Variants in SOS1 observed in about 807,000 individuals in gnomAD.
The protein encoded by SOS1 is son of sevenless homolog 1.
SOS1 carries 25 observed loss-of-function variants against 157.6 expected under a neutral mutation model. The observed-to-expected ratio is 0.16, with a 90% CI of 0.12 to 0.22. The LOEUF is 0.22. SOS1 is among the 10% of genes least tolerant of loss of function. The pLI, the probability that SOS1 is intolerant of heterozygous loss-of-function variation, is 1.00. For missense variants in SOS1, 1,237 were observed against 1,599.1 expected, an observed-to-expected ratio of 0.77 and a Z score of 3.86; for synonymous variants, 528 against 534.0, an observed-to-expected ratio of 0.99 and a Z score of 0.16.
intron 1 of SOS1, among the ~76,000 whole-genome samples, chr2:39,072,381 G>T (rs1347761918): frequency 1.3e-5 from 2 of 152,102 alleles, no homozygotes; most frequent in African/African-American, 2.4e-5. Flanking sequence ...TTCTTTCTTG[G>T]AATTAAAATT....
At chr2:39,007,832 C>T (rs1379979382) in intron 15 of SOS1, among the ~76,000 whole-genome samples, 1 of 152,142 alleles carries the variant, frequency 6.6e-6, no homozygotes, top group African/African-American at 2.4e-5. Flanking sequence ...CAAACACACA[C>T]ATGCACACGC....
At chr2:39,124,479 C>CG (rs1353267433), upstream of SOS1, 1 of 152,228 alleles carries the variant, frequency 6.6e-6, no homozygotes, top group East Asian at 1.9e-4. Context: ...CGCGGCGCAT[C>CG]GGAGTAGGGC....
Position 39,022,867 on chromosome 2 carries a change from C to T in SOS1, c.1561G>A (p.Glu521Lys), listed in dbSNP as rs764275648. The T allele has an allele frequency of 1.2e-6, 2 of 1,612,794 alleles. No individual in the cohort carries two copies. Among genetic ancestry groups the T allele is most frequent in the East Asian group, 2.2e-5 (1 of 44,854 alleles). ...KHAFEIILKD[E>K]NSVIFSAKSA... ...TTGGCAGAAAATATAACACTATTTT[C>T]ATCTTTTAAAATTATTTCAAAAGCA... Residue 521 changes from glutamate (E) to lysine (K), a missense_variant, in exon 10 of 23, where the codon GAA becomes AAA. Physicochemically the swap from Glu to Lys is moderately conservative, Grantham distance 56. This residue lies in a region of SOS1 where 210 missense variants were observed against 220.2 expected (regional missense o/e 0.95). Coordinates refer to ENST00000402219, the MANE Select transcript of SOS1 (RefSeq NM_005633.4).
intron 6 of SOS1, among the ~76,000 whole-genome samples, chr2:39,040,136 C>A (rs182088300): frequency 6.6e-6 from 1 of 151,704 alleles, no homozygotes; most frequent in African/African-American, 2.4e-5. Flanking sequence ...CTCAGCCTCC[C>A]GAGTAGCTGG....
At chr2:39,105,037 A>G (rs1673113244) in intron 1 of SOS1, among the ~76,000 whole-genome samples, 1 of 152,224 alleles carries the variant, frequency 6.6e-6, no homozygotes, top group Non-Finnish European at 1.5e-5. Flanking sequence ...AATAAAAAAA[A>G]TCAAAGAAAA....
intron 1 of SOS1, among the ~76,000 whole-genome samples, chr2:39,068,229 G>T (rs1434909480): frequency 6.6e-6 from 1 of 151,274 alleles, no homozygotes; most frequent in African/African-American, 2.4e-5. Context: ...CCAGCCACAT[G>T]CTTATATGTT....
At chr2:39,085,490 A>G (rs966746297) in intron 1 of SOS1, among the ~76,000 whole-genome samples, 2 of 152,226 alleles carry the variant, frequency 1.3e-5, no homozygotes, top group Non-Finnish European at 2.9e-5. Context: ...CTGTGATCCA[A>G]GTGTCTTTCT....
At chr2:39,034,713 G>C in intron 8 of SOS1, 1 of 413,078 alleles carries the variant, frequency 2.4e-6, no homozygotes, top group Non-Finnish European at 4.9e-6. Flanking sequence ...CTAAAGTAAT[G>C]ATAAACAGTT....
chr2:39,120,531 G>C lies in SOS1; in HGVS notation c.-109C>G. On this transcript the variant is annotated 5_prime_UTR_variant, in exon 1 of 23. Transcript: ENST00000402219. The stretch of plus-strand genomic sequence containing the variant: ...GAACAGGGCCGCGGCCCCACCGGAC[G>C]GCCCGGCCCCCTCCGGGCGCCGCGC... 1 of 1,116,470 alleles carries C rather than the reference G, an allele frequency of 9.0e-7. No homozygotes were observed. Among genetic ancestry groups the C allele is most frequent in the Non-Finnish European group, 1.1e-6 (1 of 914,892 alleles). The allele number at this position is 1,116,470 out of a possible 1,614,324, so 69.2% of individuals were successfully genotyped here.
At chr2:39,056,314 G>GT (rs1671208906) in intron 4 of SOS1, among the ~76,000 whole-genome samples, 1 of 152,112 alleles carries the variant, frequency 6.6e-6, no homozygotes, top group Non-Finnish European at 1.5e-5. Context: ...CTACTCAGGA[G>GT]GCTGAGGCAG....
chr2:39,054,639 G>C lies in SOS1; in HGVS notation c.695C>G (p.Ser232Cys), dbSNP rs1414554842. The change falls in exon 5 of 23, where the codon TCC (serine) becomes TGC (cysteine). Residue 232 changes from serine to cysteine, a missense_variant. Physicochemically the swap from Ser to Cys is moderately radical, Grantham distance 112 (BLOSUM62 -1). Around this residue, in one of 15 missense-constraint regions of SOS1, gnomAD observed 108 missense variants for 115.3 expected, o/e 0.94. Transcript: ENST00000402219. ...ATTAGCTGAAAACAATTTTGAATTG[G>C]AGACAAAGGGCTCTCTAAAAACTTT... ...IIKVFREPFV[S>C]NSKLFSANDV... The C allele has an allele frequency of 1.3e-6, 2 of 1,576,946 alleles. No individual in the cohort carries two copies. The highest frequency in any genetic ancestry group is 1.3e-5 in the African/African-American group (1 of 74,138).
chr2:39,032,817 C>G (rs868091116), intron 8 of SOS1, among the ~76,000 whole-genome samples: 1 of 152,050 alleles, frequency 6.6e-6, no homozygotes, highest in South Asian at 2.1e-4. Flanking sequence ...CAAAATTAGT[C>G]GGCTGTGGTG....
intron 1 of SOS1, among the ~76,000 whole-genome samples, chr2:39,112,576 G>A (rs946372232): frequency 3.9e-5 from 6 of 152,072 alleles, no homozygotes; most frequent in African/African-American, 1.4e-4. Context: ...TGCTGGAATT[G>A]CAGGCATGAG....
chr2:38,989,451 C>A, intron 20 of SOS1, 137 bp from the exon 21 acceptor site: 1 of 619,092 alleles, frequency 1.6e-6, no homozygotes, highest in Admixed American at 2.6e-5. Flanking sequence ...ATAGTAAAAC[C>A]TCATTACTAC....
At chr2:39,102,098 G>A (rs569667546) in intron 1 of SOS1, among the ~76,000 whole-genome samples, 26 of 148,864 alleles carry the variant, frequency 1.7e-4, no homozygotes, top group Non-Finnish European at 2.2e-4. Context: ...CCAGCTACTC[G>A]GGAGGCTGAG....
At position 39,120,944 on chromosome 2, in the gene SOS1, T is replaced by G. The variant is rs530298669; in HGVS notation, c.-522A>C. The G allele has an allele frequency of 1.1e-4, 18 of 166,508 alleles. No individual in the cohort carries two copies. The South Asian group carries it at 2.5e-3, about 23-fold the overall frequency. 10.3% of individuals were successfully genotyped at this position (166,508 alleles called of 1,614,324 possible). A position where few individuals can be genotyped will look rare whatever the true frequency, so the allele number is the denominator to read the frequency against. On this transcript the variant is annotated 5_prime_UTR_variant, in exon 1 of 23. Transcript: ENST00000402219. ...GGGAAGGGGAAGGACCGGAGGTCGT[T>G]GTTGGGGAATCTGGCTGCCCTGAGG...
chr2:38,997,041 AAAAT>A lies in SOS1; in HGVS notation c.2965-7_2965-4del, dbSNP rs747680911. ...GGATTCAAGTTTTCAAAGAACCTCT[AAAAT>A]AAATGCAAAGAAAAAATTATTAATA... is the stretch of plus-strand genomic sequence containing the variant. On this transcript the variant is annotated splice_polypyrimidine_tract_variant and splice_region_variant and intron_variant, in intron 18 of 22. Transcript: ENST00000402219. 1.4e-6 allele frequency: 2 copies of A among 1,440,428 alleles called. No homozygotes were observed. Among genetic ancestry groups the A allele is most frequent in the South Asian group, 2.4e-5 (2 of 85,028 alleles). 89.2% of individuals were successfully genotyped at this position (1,440,428 alleles called of 1,614,324 possible).
chr2:39,102,232 T>TAAAAAAA (rs1672996078), intron 1 of SOS1, among the ~76,000 whole-genome samples: 1 of 18,332 alleles, frequency 5.5e-5, no homozygotes, highest in African/African-American at 1.4e-4. Flanking sequence ...AAAAAAAAAG[T>TAAAAAAA]GCCACTTTGT....
intron 1 of SOS1, among the ~76,000 whole-genome samples, chr2:39,117,666 TGAG>T (rs1039256938): frequency 3.9e-5 from 6 of 152,046 alleles, no homozygotes; most frequent in Non-Finnish European, 1.5e-5. Context: ...CTATAACTGG[TGAG>T]ATTTGAAAAA....
Sources: gnomAD v4.1 joint callset for allele counts (sites outside exome capture counted in the v4.1 genomes callset) on GRCh38, gnomAD v4.1.1 for gene constraint, gnomAD v4.1.1 regional missense constraint, MANE v1.5 for transcripts, NCBI Gene and HGNC (gene_info 2026-07-23, HGNC 2026-07-21) for gene names.